Variants in SEMA6D observed in about 807,000 individuals in gnomAD.
SEMA6D encodes semaphorin-6D.
Under a neutral mutation model 106.6 loss-of-function variants are expected in SEMA6D, and 35 were observed. That is an observed-to-expected ratio of 0.33 (90% CI 0.25 to 0.44). SEMA6D has a LOEUF of 0.44. Among genes scored for constraint, SEMA6D ranks in the 20% least tolerant of loss-of-function variants. The pLI, the probability that SEMA6D is intolerant of heterozygous loss-of-function variation, is 1.00. For missense variants in SEMA6D, 1,185 were observed against 1,345.9 expected (o/e 0.88, Z 1.87); for synonymous variants, 499 against 487.7 (o/e 1.02, Z -0.31).
intron 4 of SEMA6D, among the ~76,000 whole-genome samples, chr15:47,603,163 A>G (rs374553328): frequency 6.6e-6 from 1 of 152,130 alleles, no homozygotes; most frequent in Non-Finnish European, 1.5e-5. Flanking sequence ...CTTCTTCATC[A>G]TGGGGTAGGA....
At chr15:47,191,472 C>T (rs919676575) in intron 1 of SEMA6D, among the ~76,000 whole-genome samples, 5 of 152,050 alleles carry the variant, frequency 3.3e-5, no homozygotes, top group East Asian at 1.9e-4. Context: ...GAGGCCATGG[C>T]GTGGGTATGA....
intron 1 of SEMA6D, among the ~76,000 whole-genome samples, chr15:47,248,423 C>T (rs149533071): frequency 4.3e-4 from 65 of 152,250 alleles, no homozygotes; most frequent in African/African-American, 1.4e-3. Flanking sequence ...GGTCATTCCC[C>T]GTCCTACAGA....
At chr15:47,613,409 A>C (rs1414096702) in intron 4 of SEMA6D, among the ~76,000 whole-genome samples, 1 of 152,134 alleles carries the variant, frequency 6.6e-6, no homozygotes. Flanking sequence ...AGTGAATGTG[A>C]CAGACAAAGC....
In SEMA6D at chr15:47,356,535, T is replaced by A. The variant is rs192270580; in HGVS notation, c.-238-55858T>A. On this transcript the variant is annotated intron_variant, in intron 1 of 19. Coordinates refer to the SEMA6D transcript ENST00000558014. Reference sequence around the variant, plus strand: ...AGGAGGAAGAGGAGGAGGAGGAATTTAAAACAGACCTATATAAATAGAGAA... The same window carrying A: ...AGGAGGAAGAGGAGGAGGAGGAATTAAAAACAGACCTATATAAATAGAGAA... Among the ~76,000 whole-genome samples the A allele has an allele frequency of 2.6e-3, 389 of 150,276 alleles. 2 individuals are homozygous for A. Among genetic ancestry groups the A allele is most frequent in the Non-Finnish European group, 4.1e-3 (279 of 67,738 alleles).
At chr15:47,327,366 C>T (rs2037173349) in intron 1 of SEMA6D, among the ~76,000 whole-genome samples, 1 of 152,022 alleles carries the variant, frequency 6.6e-6, no homozygotes, top group Non-Finnish European at 1.5e-5. Context: ...ATTGCCATAC[C>T]CTCATATTTT....
At chr15:47,313,815 TG>T (rs2036536354) in intron 1 of SEMA6D, among the ~76,000 whole-genome samples, 1 of 152,220 alleles carries the variant, frequency 6.6e-6, no homozygotes, top group Middle Eastern at 3.2e-3. Context: ...CTTCCTGCCT[TG>T]GCCTCTCAAA....
intron 4 of SEMA6D, among the ~76,000 whole-genome samples, chr15:47,654,474 A>C (rs1414299644): frequency 6.6e-6 from 1 of 152,230 alleles, no homozygotes; most frequent in Non-Finnish European, 1.5e-5. Flanking sequence ...GGGAGAGACT[A>C]TATATATACC....
intron 3 of SEMA6D, among the ~76,000 whole-genome samples, chr15:47,555,742 G>A (rs1023784751): frequency 6.6e-6 from 1 of 152,140 alleles, no homozygotes; most frequent in African/African-American, 2.4e-5. Context: ...ATGATTAATA[G>A]CACTGCAAGG....
chr15:47,301,423 A>G (rs942785359), intron 1 of SEMA6D, among the ~76,000 whole-genome samples: 3 of 151,966 alleles, frequency 2.0e-5, no homozygotes, highest in African/African-American at 7.2e-5. Context: ...GCTTAACACC[A>G]GGATAAGAGA....
intron 1 of SEMA6D, among the ~76,000 whole-genome samples, chr15:47,400,005 G>C (rs1402073938): frequency 6.6e-6 from 1 of 152,166 alleles, no homozygotes; most frequent in Non-Finnish European, 1.5e-5. Flanking sequence ...CATACACTGA[G>C]TTGTGTTTGT....
At chr15:47,460,387 G>C (rs1016598267) in intron 2 of SEMA6D, among the ~76,000 whole-genome samples, 10 of 152,036 alleles carry the variant, frequency 6.6e-5, no homozygotes, top group Non-Finnish European at 1.5e-4. Flanking sequence ...AATGAAGTTG[G>C]GTTAGCCAGG....
chr15:47,752,074 G>T (rs1247778953), intron 1 of SEMA6D, among the ~76,000 whole-genome samples: 1 of 152,154 alleles, frequency 6.6e-6, no homozygotes, highest in African/African-American at 2.4e-5. Flanking sequence ...GCAGGACTCA[G>T]AACCTGAAAA....
At chr15:47,243,284 C>T (rs1425330500) in intron 1 of SEMA6D, among the ~76,000 whole-genome samples, 2 of 152,128 alleles carry the variant, frequency 1.3e-5, no homozygotes, top group East Asian at 3.9e-4. Context: ...CTCCTTGCAT[C>T]TCATAGCATC....
intron 3 of SEMA6D, among the ~76,000 whole-genome samples, chr15:47,543,426 G>T (rs1326357215): frequency 1.3e-5 from 2 of 152,072 alleles, no homozygotes; most frequent in Non-Finnish European, 2.9e-5. Flanking sequence ...ACACTCTCTT[G>T]CCTGCCACCA....
At chr15:47,355,257 A>G (rs2038520066) in intron 1 of SEMA6D, among the ~76,000 whole-genome samples, 2 of 152,312 alleles carry the variant, frequency 1.3e-5, no homozygotes, top group Non-Finnish European at 2.9e-5. Context: ...TAAGAGGACT[A>G]AGAAACTAAA....
chr15:47,567,556 T>G (rs1471761632), intron 3 of SEMA6D, among the ~76,000 whole-genome samples: 1 of 152,200 alleles, frequency 6.6e-6, no homozygotes, highest in Non-Finnish European at 1.5e-5. Flanking sequence ...CTCTCTTCAT[T>G]TAGGTTTCCA....
intron 1 of SEMA6D, among the ~76,000 whole-genome samples, chr15:47,308,174 G>C (rs1454524136): frequency 1.3e-5 from 2 of 152,076 alleles, no homozygotes; most frequent in African/African-American, 2.4e-5. Context: ...TGGCCCAACT[G>C]TAGCCTTTTT....
At chr15:47,437,783 G>A (rs1051858165) in intron 2 of SEMA6D, among the ~76,000 whole-genome samples, 1 of 152,042 alleles carries the variant, frequency 6.6e-6, no homozygotes, top group Admixed American at 6.6e-5. Context: ...TTTCCTAGAG[G>A]TAACACTCAA....
chr15:47,398,391 T>C (rs2040287726), intron 1 of SEMA6D, among the ~76,000 whole-genome samples: 1 of 152,232 alleles, frequency 6.6e-6, no homozygotes, highest in Non-Finnish European at 1.5e-5. Flanking sequence ...GATGCCTCAC[T>C]CTTGATACTA....
Sources: allele counts gnomAD v4.1 joint callset (sites outside exome capture counted in the v4.1 genomes callset), GRCh38; gene constraint gnomAD v4.1.1; transcripts MANE v1.5; gene names NCBI Gene and HGNC (gene_info 2026-07-23, HGNC 2026-07-21).